Variants in SLF1 observed in about 807,000 individuals in gnomAD.
The protein encoded by SLF1 is SMC5-SMC6 complex localization factor protein 1.
A neutral mutation model predicts 123.0 loss-of-function variants in SLF1; 105 were observed. That is an observed-to-expected ratio of 0.85 (90% CI 0.73 to 1.00). The LOEUF (loss-of-function observed/expected upper bound fraction) is 1.00. Among genes scored for constraint, SLF1 ranks in the 50% least tolerant of loss-of-function variants. The probability of loss-of-function intolerance (pLI) is 0.00; values close to 1 mark genes in which losing one functional copy is unlikely to be tolerated. For missense variants in SLF1, 1,239 were observed against 1,223.0 expected (o/e 1.01, Z -0.20); for synonymous variants, 434 against 406.6 (o/e 1.07, Z -0.81).
chr5:94,651,925 AT>A, intron 7 of SLF1, 80 bp downstream of exon 7: 1 of 702,132 alleles, frequency 1.4e-6, no homozygotes, highest in Middle Eastern at 5.0e-4. Flanking sequence ...CTTTTAAAAA[AT>A]ATATAAAAAT....
chr5:94,639,037 C>CTTTTTT (rs764031689), intron 4 of SLF1, among the ~76,000 whole-genome samples: 3,766 of 88,912 alleles, frequency 0.042, 353 homozygotes, highest in Non-Finnish European at 0.053. Context: ...CTTTTCTTCC[C>CTTTTTT]TTTTTTTTTT....
intron 1 of SLF1, among the ~76,000 whole-genome samples, chr5:94,619,490 T>C (rs1228144265): frequency 6.6e-6 from 1 of 152,094 alleles, no homozygotes; most frequent in Non-Finnish European, 1.5e-5. Context: ...AGATTAAATA[T>C]TGACAAAAAA....
chr5:94,670,533 T>A (rs1472838994), intron 13 of SLF1, among the ~76,000 whole-genome samples: 1 of 151,790 alleles, frequency 6.6e-6, no homozygotes, highest in Admixed American at 6.6e-5. Context: ...TTTAGGATTT[T>A]AAAAAAATTC....
At chr5:94,681,045 G>A (rs905204176) in intron 15 of SLF1, among the ~76,000 whole-genome samples, 2 of 151,916 alleles carry the variant, frequency 1.3e-5, no homozygotes, top group African/African-American at 4.8e-5. Flanking sequence ...AAATGTACAC[G>A]TGTGCATGTG....
At chr5:94,621,146 G>A (rs147101296) in intron 1 of SLF1, among the ~76,000 whole-genome samples, 79 of 152,186 alleles carry the variant, frequency 5.2e-4, no homozygotes, top group African/African-American at 1.8e-3. Context: ...TTCACTTAAT[G>A]TATCTTTCTT....
At chr5:94,654,417 C>T (rs1456315637) in intron 8 of SLF1, among the ~76,000 whole-genome samples, 1 of 148,450 alleles carries the variant, frequency 6.7e-6, no homozygotes, top group African/African-American at 2.5e-5. Context: ...AAAGAAAGTA[C>T]ATATGTAAAT....
chr5:94,658,428 TTTGTTGTTGTTG>T (rs35496935), intron 9 of SLF1, among the ~76,000 whole-genome samples: 2 of 150,614 alleles, frequency 1.3e-5, no homozygotes, highest in South Asian at 2.1e-4. Flanking sequence ...TTGAGTTGGG[TTTGTTGTTGTTG>T]TTGTTGTTGT....
intron 18 of SLF1, 83 bp from the exon 19 acceptor site, chr5:94,691,476 GCCAGA>G (rs1753047970): frequency 5.7e-6 from 6 of 1,055,904 alleles, no homozygotes; most frequent in African/African-American, 3.4e-5. Context: ...CTGGCATGGG[GCCAGA>G]TCTCCTAGTT....
chr5:94,692,749 G>A lies in SLF1; in HGVS notation c.2695+493G>A, dbSNP rs75561643. 1.2e-3 allele frequency among the ~76,000 whole-genome samples: 187 copies of A among 152,134 alleles called. 2 individuals carry two copies. In the East Asian group the frequency reaches 0.033, roughly 27 times the overall value. Reference sequence around the variant, plus strand: ...GAATATTTTTCGTCATTCACATTTTGCAGCCAATTAAGTTAAAGCAGGAGG... The same window carrying A: ...GAATATTTTTCGTCATTCACATTTTACAGCCAATTAAGTTAAAGCAGGAGG... On this transcript the variant is annotated intron_variant, in intron 20 of 20. Transcript: ENST00000265140.
In SLF1 at chr5:94,654,660, T is replaced by A. The variant is rs1227971424; in HGVS notation, c.1063T>A (p.Tyr355Asn). Residue 355 changes from tyrosine (Y) to asparagine (N), a missense_variant, in exon 9 of 21, where the codon TAT becomes AAT. By Grantham distance (143) the Tyr-to-Asn change is moderately radical. Coordinates refer to ENST00000265140, the MANE Select transcript of SLF1 (RefSeq NM_032290.4). ...AATGAAGAATTCTATTTTTGCTGAA[T>A]ATGCCAAAGAATCAAAAGCCATGGC... is the stretch of plus-strand genomic sequence containing the variant. ...KEMKNSIFAE[Y>N]AKESKAMAIK... The A allele has an allele frequency of 1.4e-5, 22 of 1,542,188 alleles. No homozygotes were observed. The highest frequency in any genetic ancestry group is 1.8e-5 in the Non-Finnish European group (21 of 1,142,706).
At position 94,649,469 on chromosome 5, in the gene SLF1, G is replaced by T; in HGVS notation, c.610G>T (p.Asp204Tyr). ...DFLLEKEIQN[D>Y]EDSQTNSVWT... ...ATACATACAGAAAGAAATTCAGAAT[G>T]ATGAAGATTCCCAAACCAATTCTGT... The change falls in exon 6 of 21, where the codon GAT (aspartate) becomes TAT (tyrosine). Residue 204 changes from aspartate to tyrosine, a missense_variant. Physicochemically the swap from Asp to Tyr is radical, Grantham distance 160. Coordinates refer to ENST00000265140, the MANE Select transcript of SLF1 (RefSeq NM_032290.4). 1 of 1,496,734 alleles carries T rather than the reference G, an allele frequency of 6.7e-7. No homozygotes were observed. The highest frequency in any genetic ancestry group is 9.0e-7 in the Non-Finnish European group (1 of 1,110,150). The allele number at this position is 1,496,734 out of a possible 1,614,324, so 92.7% of individuals were successfully genotyped here. A position where few individuals can be genotyped will look rare whatever the true frequency, so the allele number is the denominator to read the frequency against.
chr5:94,661,734 G>A (rs1749145260), intron 9 of SLF1, among the ~76,000 whole-genome samples: 1 of 151,942 alleles, frequency 6.6e-6, no homozygotes, highest in Non-Finnish European at 1.5e-5. Flanking sequence ...ACGGGGTTTT[G>A]CCATGTTGGC....
intron 4 of SLF1, among the ~76,000 whole-genome samples, chr5:94,641,203 A>C: frequency 7.0e-6 from 1 of 143,440 alleles, no homozygotes; most frequent in Non-Finnish European, 1.5e-5. Flanking sequence ...CCCCCACAAA[A>C]ACTCATGTTG....
In SLF1 at chr5:94,651,834, T is replaced by TA; in HGVS notation, c.872dup (p.Tyr291Ter). 1 of 1,411,974 alleles carries TA rather than the reference T, an allele frequency of 7.1e-7. No individual in the cohort carries two copies. The highest frequency in any genetic ancestry group is 9.4e-7 in the Non-Finnish European group (1 of 1,059,580). The allele number at this position is 1,411,974 out of a possible 1,614,324, so 87.5% of individuals were successfully genotyped here. The change falls in exon 7 of 21, where the codon TAT (tyrosine) becomes TAAT (stop). Residue 291 changes from tyrosine (Y) to a stop codon, truncating the protein, a stop_gained and frameshift_variant. Coordinates refer to ENST00000265140, the MANE Select transcript of SLF1 (RefSeq NM_032290.4). LOFTEE classifies it high-confidence loss of function. The part of the protein sequence containing the change: ...KMRNTFGSHT[Y>*]ENQKEIKKKD... Reference sequence around the variant, plus strand: ...GAGAAATACCTTTGGAAGCCATACATATGAAAATCAGGTACAACTTTCCAA... The same window carrying TA: ...GAGAAATACCTTTGGAAGCCATACATAATGAAAATCAGGTACAACTTTCCAA...
At chr5:94,647,950 A>C (rs1183642329) in intron 5 of SLF1, among the ~76,000 whole-genome samples, 2 of 152,328 alleles carry the variant, frequency 1.3e-5, no homozygotes, top group East Asian at 3.9e-4. Context: ...AAGTAAATAT[A>C]TTCAGGATTA....
At chr5:94,626,816 T>A (rs78398239) in intron 1 of SLF1, among the ~76,000 whole-genome samples, 3,081 of 152,232 alleles carry the variant, frequency 0.02, 205 homozygotes, top group East Asian at 0.14. Flanking sequence ...TCTTTGCAAA[T>A]ATGCAGATAC....
intron 14 of SLF1, 166 bp from the exon 15 acceptor site, chr5:94,678,642 G>C (rs1455431383): frequency 1.8e-6 from 1 of 543,090 alleles, no homozygotes; most frequent in African/African-American, 1.9e-5. Flanking sequence ...GAGAGATGGA[G>C]GGGAGAGAAT....
In SLF1 at chr5:94,628,796, G is replaced by A. The variant is rs973388047; in HGVS notation, c.1-15G>A. On this transcript the variant is annotated splice_polypyrimidine_tract_variant and intron_variant, in intron 1 of 20. Coordinates refer to ENST00000265140, the MANE Select transcript of SLF1 (RefSeq NM_032290.4). ...CTTTAACACACATTATCTTCTGTAT[G>A]TTTGTATTTGTTAGATGGAAGATGG... 6.0e-6 allele frequency: 9 copies of A among 1,490,390 alleles called. No individual in the cohort carries two copies. Among genetic ancestry groups the A allele is most frequent in the African/African-American group, 1.4e-5 (1 of 71,016 alleles). 92.3% of individuals were successfully genotyped at this position (1,490,390 alleles called of 1,614,324 possible). A position where few individuals can be genotyped will look rare whatever the true frequency, so the allele number is the denominator to read the frequency against.
At position 94,670,204 on chromosome 5, in the gene SLF1, C is replaced by T; in HGVS notation, c.1586C>T (p.Ser529Phe). The T allele has an allele frequency of 1.3e-6, 2 of 1,534,452 alleles. No homozygotes were observed. The highest frequency in any genetic ancestry group is 1.8e-6 in the Non-Finnish European group (2 of 1,140,948). The change falls in exon 13 of 21, where the codon TCC becomes TTC. Residue 529 changes from serine to phenylalanine, a missense_variant. By Grantham distance (155) the Ser-to-Phe change is radical. Coordinates refer to ENST00000265140, the MANE Select transcript of SLF1 (RefSeq NM_032290.4). ...CATCAAATTTCAGAAAATATTGGCTCCAAGGTGCTCCACCTGACGCTACTC... is the reference window on the plus strand; with the variant it reads ...CATCAAATTTCAGAAAATATTGGCTTCAAGGTGCTCCACCTGACGCTACTC... ...FCHQISENIG[S>F]KVLHLTLLKF... is the part of the protein sequence containing the mutation.
Sources: allele counts gnomAD v4.1 joint callset (sites outside exome capture counted in the v4.1 genomes callset), GRCh38; gene constraint gnomAD v4.1.1; transcripts MANE v1.5; gene names NCBI Gene and HGNC (gene_info 2026-07-23, HGNC 2026-07-21).